The following TMEM161B variants were observed in gnomAD, a reference collection of about 807,000 sequenced individuals.
TMEM161B encodes the protein transmembrane protein 161B.
In TMEM161B, 34 loss-of-function variants were observed where a neutral mutation model predicts 61.8. The ratio of observed to expected loss-of-function variants is 0.55; its 90% confidence interval spans 0.42 to 0.73. The LOEUF (loss-of-function observed/expected upper bound fraction) is 0.73, where lower values mean the gene tolerates loss of function less well. Ranked by LOEUF, TMEM161B falls within the 30% of genes least tolerant of loss-of-function variation. The pLI is 0.00. For synonymous variants in TMEM161B, 167 were observed against 192.8 expected, an observed-to-expected ratio of 0.87 and a Z score of 1.11; for missense variants, 456 against 558.5, an observed-to-expected ratio of 0.82 and a Z score of 1.85.
At chr5:88,202,579 T>C (rs141545200) in intron 9 of TMEM161B, 85 of 199,946 alleles carry the variant, frequency 4.3e-4, no homozygotes, top group African/African-American at 1.9e-3. Context: ...CTGTCAAACA[T>C]AGGAGTTGAG....
At chr5:88,243,891 T>A (rs879883560) in intron 1 of TMEM161B, among the ~76,000 whole-genome samples, 1 of 151,970 alleles carries the variant, frequency 6.6e-6, no homozygotes, top group Non-Finnish European at 1.5e-5. Context: ...CATAAATGTC[T>A]CCATTTGAAA....
intron 9 of TMEM161B, chr5:88,200,301 A>C (rs929120856): frequency 6.6e-6 from 1 of 152,108 alleles, no homozygotes; most frequent in Admixed American, 6.6e-5. Context: ...AGAAAGATAA[A>C]GGCATAACAT....
intron 4 of TMEM161B, 130 bp from the exon 5 acceptor site, chr5:88,220,849 T>G (rs549344731): frequency 1.6e-6 from 2 of 1,243,508 alleles, no homozygotes; most frequent in East Asian, 6.0e-5. Flanking sequence ...ATTTGCAATG[T>G]AAGATTTACA....
chr5:88,206,955 C>T (rs1561320544), intron 6 of TMEM161B, 74 bp downstream of exon 6: 3 of 1,335,894 alleles, frequency 2.2e-6, no homozygotes, highest in Non-Finnish European at 3.1e-6. Context: ...AGACATAAAA[C>T]TTAAATACTG....
At chr5:88,251,891 A>C (rs1229526136) in intron 1 of TMEM161B, among the ~76,000 whole-genome samples, 1 of 152,156 alleles carries the variant, frequency 6.6e-6, no homozygotes, top group Non-Finnish European at 1.5e-5. Context: ...GTTATATCCC[A>C]AACACTTAGA....
chr5:88,259,475 G>A (rs1158527595), intron 1 of TMEM161B: 1 of 152,182 alleles, frequency 6.6e-6, no homozygotes, highest in Non-Finnish European at 1.5e-5. Flanking sequence ...AACTCACTAA[G>A]TGCTTACACT....
Position 88,207,107 on chromosome 5 carries a change from A to C in TMEM161B, c.520T>G (p.Phe174Val). 6.2e-7 allele frequency: 1 copy of C among 1,613,276 alleles called. No individual in the cohort carries two copies. The highest frequency in any genetic ancestry group is 8.5e-7 in the Non-Finnish European group (1 of 1,179,522). ...GCTTTGACAAAGAAAAAAAATCCAA[A>C]GGTGACACAAACAGATCTTTCACCA... ...DGGERSVCVTFGFFFFVKAMA... is the reference protein window; with the variant it reads ...DGGERSVCVTVGFFFFVKAMA... The change falls in exon 6 of 12, where the codon TTT (phenylalanine) becomes GTT (valine). Residue 174 changes from phenylalanine (F) to valine (V), a missense_variant. Physicochemically the swap from Phe to Val is conservative, Grantham distance 50 (BLOSUM62 -1). Coordinates refer to ENST00000296595, the MANE Select transcript of TMEM161B (RefSeq NM_153354.5).
Position 88,232,572 on chromosome 5 carries a change from T to C in TMEM161B, c.108-4044A>G, listed in dbSNP as rs986893370. Reference sequence around the variant, plus strand: ...TAGTAATGAAATATTTTAAGACACATTTTCTTATTTTTTTTTTCTGAGACA... The same window carrying C: ...TAGTAATGAAATATTTTAAGACACACTTTCTTATTTTTTTTTTCTGAGACA... On this transcript the variant is annotated intron_variant, in intron 2 of 11. Coordinates refer to ENST00000296595, the MANE Select transcript of TMEM161B (RefSeq NM_153354.5). Among the ~76,000 whole-genome samples the C allele has an allele frequency of 3.6e-4, 3 of 8,326 alleles. No individual in the cohort carries two copies. In the East Asian group the frequency reaches 0.03, roughly 83 times the overall value. 5.5% of individuals were successfully genotyped at this position (8,326 alleles called of 152,430 possible). A position where few individuals can be genotyped will look rare whatever the true frequency, so the allele number is the denominator to read the frequency against.
At chr5:88,240,951 T>C in intron 1 of TMEM161B, 35 bp from the exon 2 acceptor site, 1 of 1,428,886 alleles carries the variant, frequency 7.0e-7, no homozygotes, top group Non-Finnish European at 9.4e-7. Flanking sequence ...TAATAATGAA[T>C]GATTTTGGAT....
rs764112016 is a variant in TMEM161B, at chr5:88,220,727, G to GAAAAA, written c.290-13_290-9dup. The GAAAAA allele has an allele frequency of 8.7e-3, 5,094 of 588,238 alleles. 94 individuals are homozygous for GAAAAA. The highest frequency in any genetic ancestry group is 0.022 in the South Asian group (729 of 32,930). 36.4% of individuals were successfully genotyped at this position (588,238 alleles called of 1,614,324 possible). On this transcript the variant is annotated splice_polypyrimidine_tract_variant and intron_variant, in intron 4 of 11. Transcript: ENST00000296595. ...CTGGAAAGTAATGCAATGCTGGAAA[G>GAAAAA]AAAAAAAAAAAAAAAAAAAAAAAAG... is the stretch of plus-strand genomic sequence containing the variant.
At chr5:88,259,720 G>A (rs1755454959) in intron 1 of TMEM161B, among the ~76,000 whole-genome samples, 7 of 152,334 alleles carry the variant, frequency 4.6e-5, no homozygotes, top group African/African-American at 1.4e-4. Flanking sequence ...GTACTGCTAT[G>A]CCGGATAGTA....
At chr5:88,224,840 C>T (rs1410669487) in intron 4 of TMEM161B, among the ~76,000 whole-genome samples, 1 of 151,992 alleles carries the variant, frequency 6.6e-6, no homozygotes, top group African/African-American at 2.4e-5. Flanking sequence ...TGATGATCCA[C>T]TTCCACTTAA....
At chr5:88,263,250 C>T (rs1755916130) in intron 1 of TMEM161B, among the ~76,000 whole-genome samples, 1 of 152,084 alleles carries the variant, frequency 6.6e-6, no homozygotes, top group African/African-American at 2.4e-5. Flanking sequence ...ATTTTCTATC[C>T]CCTTACTCTC....
intron 1 of TMEM161B, among the ~76,000 whole-genome samples, chr5:88,248,495 C>A (rs1317555095): frequency 6.6e-6 from 1 of 152,036 alleles, no homozygotes; most frequent in African/African-American, 2.4e-5. Context: ...GATAACACTA[C>A]ACAAAACAGA....
At chr5:88,192,141 G>A (rs1183227038), downstream of TMEM161B, among the ~76,000 whole-genome samples, 1 of 146,556 alleles carries the variant, frequency 6.8e-6, no homozygotes, top group African/African-American at 2.5e-5. Flanking sequence ...TTCTGCCTAC[G>A]AAACTATGAT....
intron 1 of TMEM161B, among the ~76,000 whole-genome samples, chr5:88,264,704 T>C (rs1404681918): frequency 1.3e-5 from 2 of 152,142 alleles, no homozygotes; most frequent in Non-Finnish European, 2.9e-5. Flanking sequence ...ACATCAATGA[T>C]AGACTGGATC....
intron 1 of TMEM161B, among the ~76,000 whole-genome samples, chr5:88,247,201 A>G (rs1753730167): frequency 6.6e-6 from 1 of 152,108 alleles, no homozygotes; most frequent in Non-Finnish European, 1.5e-5. Flanking sequence ...TTAACAAGAA[A>G]AATTAAACAA....
chr5:88,202,872 T>A, intron 9 of TMEM161B, 90 bp downstream of exon 9: 6 of 885,912 alleles, frequency 6.8e-6, no homozygotes, highest in Admixed American at 1.9e-5. Context: ...TACAGTGTCC[T>A]GATTTTATCA....
intron 5 of TMEM161B, among the ~76,000 whole-genome samples, chr5:88,212,184 A>G (rs1411240101): frequency 3.3e-5 from 5 of 152,232 alleles, no homozygotes; most frequent in Non-Finnish European, 7.3e-5. Flanking sequence ...AAAAATATGG[A>G]TAACCTAGAA....
Sources: gnomAD v4.1 joint callset for allele counts (sites outside exome capture counted in the v4.1 genomes callset) on GRCh38, gnomAD v4.1.1 for gene constraint, MANE v1.5 for transcripts, NCBI Gene and HGNC (gene_info 2026-07-23, HGNC 2026-07-21) for gene names.